USB1: variants seen among roughly 807,000 people sequenced by gnomAD.
The protein encoded by USB1 is U6 snRNA phosphodiesterase 1.
In USB1, 21 loss-of-function variants were observed where a neutral mutation model predicts 29.9. The observed-to-expected ratio is 0.70, with a 90% CI of 0.50 to 1.01. The LOEUF is 1.01. Among genes scored for constraint, USB1 ranks in the 50% least tolerant of loss-of-function variants. USB1 has a pLI of 0.00. For missense variants in USB1, 330 were observed against 347.1 expected, an observed-to-expected ratio of 0.95 and a Z score of 0.39; for synonymous variants, 143 against 134.9, an observed-to-expected ratio of 1.06 and a Z score of -0.42.
At chr16:58,017,549 T>A in intron 5 of USB1, 110 bp downstream of exon 5, 1 of 988,068 alleles carries the variant, frequency 1.0e-6, no homozygotes, top group Non-Finnish European at 1.6e-6. Flanking sequence ...GAACCTCCCG[T>A]GTCGGTGCTC....
At position 58,013,397 on chromosome 16, in the gene USB1, G is replaced by T; in HGVS notation, c.450-876G>T. On this transcript the variant is annotated intron_variant, in intron 3 of 6. Coordinates refer to ENST00000219281, the MANE Select transcript of USB1 (RefSeq NM_024598.4). The surrounding 1 kb of genome is among the most constrained non-coding windows in gnomAD (Gnocchi z 4.3). ...ACTGACTTTTGCCCTTGGGCAGATTGTGAGGCTCTACCCAGCATGCTGGTA... is the reference window on the plus strand; with the variant it reads ...ACTGACTTTTGCCCTTGGGCAGATTTTGAGGCTCTACCCAGCATGCTGGTA... 1.0e-6 allele frequency: 1 copy of T among 985,478 alleles called. No individual in the cohort carries two copies. Among genetic ancestry groups the T allele is most frequent in the Non-Finnish European group, 1.2e-6 (1 of 829,958 alleles). 61.0% of individuals were successfully genotyped at this position (985,478 alleles called of 1,614,324 possible). A position where few individuals can be genotyped will look rare whatever the true frequency, so the allele number is the denominator to read the frequency against.
At chr16:58,003,035 G>A (rs1963267112) in intron 2 of USB1, among the ~76,000 whole-genome samples, 2 of 152,066 alleles carry the variant, frequency 1.3e-5, no homozygotes, top group African/African-American at 2.4e-5. Context: ...AAATGCCCAG[G>A]CTTCAGAGTC....
rs759943754 is a variant in USB1 at position 58,002,684 on chromosome 16, G to A, written c.265+39G>A. On this transcript the variant is annotated intron_variant, in intron 2 of 6. Transcript: ENST00000219281. ...GAAAGGCAAGTTGCCAAGACCCATA[G>A]ACCCGTAGGTGCCTCATGAAGGGCA... The A allele has an allele frequency of 2.5e-6, 4 of 1,612,752 alleles. No homozygotes were observed. In the South Asian group the frequency reaches 4.4e-5, roughly 18 times the overall value.
At chr16:58,014,826 C>T (rs918785369) in intron 4 of USB1, among the ~76,000 whole-genome samples, 1 of 152,026 alleles carries the variant, frequency 6.6e-6, no homozygotes, top group Admixed American at 6.6e-5. Context: ...CTTGTAATCC[C>T]AGCACTTTGA....
In USB1 at chr16:58,001,490, G is replaced by A. The variant is rs1231286683; in HGVS notation, c.7G>A (p.Ala3Thr). The change falls in exon 1 of 7, where the codon GCG becomes ACG. Residue 3 changes from alanine (A) to threonine (T), a missense_variant. Coordinates refer to ENST00000219281, the MANE Select transcript of USB1 (RefSeq NM_024598.4). MS[A>T]APLVGYSSSG... ...TGGTCTTGGATGAGGCCCCATGAGC[G>A]CGGCGCCCCTGGTGGGCTACAGCAG... The A allele has an allele frequency of 6.2e-7, 1 of 1,601,126 alleles. No individual in the cohort carries two copies. Among genetic ancestry groups the A allele is most frequent in the Non-Finnish European group, 8.5e-7 (1 of 1,174,492 alleles).
At chr16:58,014,645 T>G (rs2142308884) in intron 4 of USB1, among the ~76,000 whole-genome samples, 1 of 152,134 alleles carries the variant, frequency 6.6e-6, no homozygotes, top group East Asian at 1.9e-4. Context: ...TAGCTGAGCA[T>G]GGTAGTGTGT....
intron 3 of USB1, chr16:58,012,076 T>C: frequency 7.6e-7 from 1 of 1,319,492 alleles, no homozygotes; most frequent in Non-Finnish European, 9.6e-7. Flanking sequence ...CAAAGCCCCA[T>C]TCCCACAGTT....
Position 58,001,452 on chromosome 16 carries a change from G to C in USB1, c.-32G>C. On this transcript the variant is annotated 5_prime_UTR_variant, in exon 1 of 7. Coordinates refer to ENST00000219281, the MANE Select transcript of USB1 (RefSeq NM_024598.4). ...CCGGGTGCCGGTTGAGGTTGCTGGT[G>C]GACCTGCTCTGGTGGTCTTGGATGA... The C allele has an allele frequency of 6.3e-7, 1 of 1,575,502 alleles. No individual in the cohort carries two copies. Among genetic ancestry groups the C allele is most frequent in the South Asian group, 1.2e-5 (1 of 86,090 alleles).
intron 3 of USB1, chr16:58,012,538 G>A (rs978434233): frequency 1.6e-5 from 21 of 1,334,554 alleles, no homozygotes; most frequent in Middle Eastern, 2.5e-4. Context: ...CGAAGCCACC[G>A]CATCTCCCGG....
At chr16:58,005,361 C>T (rs537770574) in intron 2 of USB1, among the ~76,000 whole-genome samples, 5 of 152,250 alleles carry the variant, frequency 3.3e-5, no homozygotes, top group African/African-American at 1.2e-4. Context: ...TTGGCACTGA[C>T]GCTACCGTTA....
intron 4 of USB1, among the ~76,000 whole-genome samples, chr16:58,014,769 T>A (rs954159912): frequency 4.1e-5 from 6 of 147,310 alleles, no homozygotes; most frequent in Non-Finnish European, 6.0e-5. Flanking sequence ...GGCAACAGAG[T>A]GAGACCCTGT....
intron 2 of USB1, 60 bp downstream of exon 2, chr16:58,002,705 G>A: frequency 6.2e-7 from 1 of 1,608,818 alleles, no homozygotes; most frequent in Non-Finnish European, 8.5e-7. Context: ...GCCTCATGAA[G>A]GGCAGAATCT....
chr16:58,000,824 G>T (rs1198513379), upstream of USB1, among the ~76,000 whole-genome samples: 4 of 152,092 alleles, frequency 2.6e-5, no homozygotes, highest in African/African-American at 7.2e-5. The surrounding 1 kb of genome is among the most constrained non-coding windows in gnomAD (Gnocchi z 4.5). Flanking sequence ...GACAAGCCGG[G>T]TGCTCCGGGC....
chr16:58,012,993 C>G, intron 3 of USB1: 2 of 985,784 alleles, frequency 2.0e-6, no homozygotes, highest in Non-Finnish European at 2.4e-6. Flanking sequence ...ACCTGGACCC[C>G]TGGGCTGGTT....
intron 2 of USB1, among the ~76,000 whole-genome samples, chr16:58,006,603 G>A (rs534365326): frequency 1.2e-3 from 188 of 152,326 alleles, no homozygotes; most frequent in Non-Finnish European, 2.2e-3. Flanking sequence ...AGGTTGCAGT[G>A]AGCGGAGAGT....
At position 58,013,554 on chromosome 16, in the gene USB1, A is replaced by G. The variant is rs1381143012; in HGVS notation, c.450-719A>G. ...TAAAGGACAGAACCAGTCCAAGTCA[A>G]AGCACTTACCTAGCTGAGCCTGACT... is the stretch of plus-strand genomic sequence containing the variant. On this transcript the variant is annotated intron_variant, in intron 3 of 6. Transcript: ENST00000219281. This position sits in a 1 kb window ranked among gnomAD's most constrained non-coding sequence, Gnocchi z 4.3. The G allele has an allele frequency of 2.6e-5, 25 of 962,730 alleles. No individual in the cohort carries two copies. Among genetic ancestry groups the G allele is most frequent in the Non-Finnish European group, 1.8e-5 (15 of 826,184 alleles). 59.6% of individuals were successfully genotyped at this position (962,730 alleles called of 1,614,324 possible).
At chr16:57,999,861 A>C (rs1484136933), upstream of USB1, 1 of 152,734 alleles carries the variant, frequency 6.5e-6, no homozygotes, top group Non-Finnish European at 1.5e-5. Flanking sequence ...CCGCTGTGCC[A>C]ACCCACTGTT....
chr16:58,014,950 C>T (rs902316368), intron 4 of USB1, among the ~76,000 whole-genome samples: 17 of 151,342 alleles, frequency 1.1e-4, no homozygotes, highest in Admixed American at 5.3e-4. Context: ...TGGTGGCAGG[C>T]GCCTGTAATC....
intron 1 of USB1, among the ~76,000 whole-genome samples, chr16:58,001,873 G>T (rs1444725994): frequency 2.0e-5 from 3 of 152,096 alleles, no homozygotes; most frequent in African/African-American, 7.2e-5. Flanking sequence ...TACCATCCTA[G>T]GTCCGTTTCC....
Sources: gnomAD v4.1 joint callset for allele counts (sites outside exome capture counted in the v4.1 genomes callset) on GRCh38, gnomAD v4.1.1 for gene constraint, Gnocchi (gnomAD v3.1) non-coding constraint, MANE v1.5 for transcripts, NCBI Gene and HGNC (gene_info 2026-07-23, HGNC 2026-07-21) for gene names.